The following ECPAS variants were observed in gnomAD, a reference collection of about 807,000 sequenced individuals.
The protein encoded by ECPAS is proteasome adapter and scaffold protein ECM29.
Under a neutral mutation model 255.1 loss-of-function variants are expected in ECPAS, and 70 were observed. The ratio of observed to expected loss-of-function variants is 0.27; its 90% CI spans 0.23 to 0.33. The LOEUF is 0.33. Among genes scored for constraint, ECPAS ranks in the 10% least tolerant of loss-of-function variants. The pLI is 1.00. For missense variants in ECPAS, 1,817 were observed against 2,206.4 expected (o/e 0.82, Z 3.54); for synonymous variants, 784 against 775.0 (o/e 1.01, Z -0.19).
chr9:111,451,982 C>A (rs1248374646), intron 2 of ECPAS, among the ~76,000 whole-genome samples: 1 of 152,200 alleles, frequency 6.6e-6, no homozygotes, highest in African/African-American at 2.4e-5. Context: ...GACAGGATCA[C>A]TGCCCATTAC....
intron 41 of ECPAS, among the ~76,000 whole-genome samples, chr9:111,372,935 G>A (rs1352699881): frequency 2.6e-5 from 4 of 152,110 alleles, no homozygotes; most frequent in Admixed American, 1.3e-4. Flanking sequence ...AGGAGGCTGA[G>A]ACACAAGAAT....
intron 35 of ECPAS, among the ~76,000 whole-genome samples, 166 bp from the exon 36 acceptor site, chr9:111,378,896 T>C (rs2098136901): frequency 6.6e-6 from 1 of 152,180 alleles, no homozygotes; most frequent in Non-Finnish European, 1.5e-5. Context: ...TAAAGAAACC[T>C]TGAAGCATAT....
intron 31 of ECPAS, among the ~76,000 whole-genome samples, chr9:111,388,297 A>G (rs1462859486): frequency 6.7e-6 from 1 of 150,312 alleles, no homozygotes; most frequent in Non-Finnish European, 1.5e-5. Flanking sequence ...GATGACACTC[A>G]CGTCTCAAGG....
At chr9:111,436,685 T>C (rs1037228119) in intron 7 of ECPAS, among the ~76,000 whole-genome samples, 1 of 152,184 alleles carries the variant, frequency 6.6e-6, no homozygotes, top group African/African-American at 2.4e-5. Context: ...ATATTCAATT[T>C]ATAAGTGAGT....
chr9:111,469,402 C>T (rs149834214), intron 2 of ECPAS, among the ~76,000 whole-genome samples: 1,959 of 151,684 alleles, frequency 0.013, 19 homozygotes, highest in Non-Finnish European at 0.02. Context: ...GGCGTGGTGA[C>T]GGGCGCCTGC....
At chr9:111,376,127 T>C (rs1032573464) in intron 37 of ECPAS, among the ~76,000 whole-genome samples, 1 of 152,184 alleles carries the variant, frequency 6.6e-6, no homozygotes, top group Non-Finnish European at 1.5e-5. Context: ...CCACAGCTTA[T>C]AACTTTCCTA....
intron 10 of ECPAS, among the ~76,000 whole-genome samples, chr9:111,426,375 A>G (rs1564537511): frequency 6.6e-6 from 1 of 151,948 alleles, no homozygotes; most frequent in Non-Finnish European, 1.5e-5. Context: ...CACTAAAAAA[A>G]AAAAAAAAAA....
chr9:111,461,906 G>A (rs541541908), intron 2 of ECPAS, among the ~76,000 whole-genome samples: 72 of 152,226 alleles, frequency 4.7e-4, no homozygotes, highest in African/African-American at 1.3e-3. Flanking sequence ...GCAAACTCCC[G>A]TTTCTGAAAC....
chr9:111,466,459 A>G (rs2098279677), intron 2 of ECPAS, among the ~76,000 whole-genome samples: 1 of 133,014 alleles, frequency 7.5e-6, no homozygotes, highest in South Asian at 2.6e-4. Context: ...AATAAAAAAA[A>G]AGAAAGAACA....
intron 36 of ECPAS, 25 bp from the exon 37 acceptor site, chr9:111,376,566 C>G: frequency 6.4e-7 from 1 of 1,557,850 alleles, no homozygotes; most frequent in Non-Finnish European, 8.7e-7. Context: ...TTAAAGTCAC[C>G]CGGCACATTC....
In ECPAS at chr9:111,366,477, T is replaced by A. The variant is rs369101286; in HGVS notation, c.5219+45A>T. Reference sequence around the variant, plus strand: ...ATTCCATTGATTATACATAAAATGCTGCGGGGAGGAACAAAATAAAAAACT... The same window carrying A: ...ATTCCATTGATTATACATAAAATGCAGCGGGGAGGAACAAAATAAAAAACT... On this transcript the variant is annotated intron_variant, in intron 47 of 49. Coordinates refer to ENST00000684092, the MANE Select transcript of ECPAS (RefSeq NM_001364929.1). 2.1e-6 allele frequency: 3 copies of A among 1,443,732 alleles called. No homozygotes were observed. In the African/African-American group the frequency reaches 4.2e-5, roughly 20 times the overall value. The allele number at this position is 1,443,732 out of a possible 1,614,324, so 89.4% of individuals were successfully genotyped here.
intron 1 of ECPAS, among the ~76,000 whole-genome samples, chr9:111,476,852 A>G (rs954276987): frequency 6.6e-6 from 1 of 151,946 alleles, no homozygotes; most frequent in Non-Finnish European, 1.5e-5. Context: ...CAGTAGAGAC[A>G]GGGTTTCACA....
chr9:111,410,773 C>A (rs1481048645), intron 22 of ECPAS, among the ~76,000 whole-genome samples: 1 of 152,156 alleles, frequency 6.6e-6, no homozygotes, highest in Non-Finnish European at 1.5e-5. Context: ...CCCACCTTGG[C>A]CTCCCAAAGT....
intron 25 of ECPAS, among the ~76,000 whole-genome samples, chr9:111,396,450 T>C (rs2098167798): frequency 6.6e-6 from 1 of 152,184 alleles, no homozygotes; most frequent in Admixed American, 6.5e-5. Flanking sequence ...GCTAAATACA[T>C]AAATCCTCGT....
At position 111,361,361 on chromosome 9, in the gene ECPAS, C is replaced by T. The variant is rs930252020; in HGVS notation, c.*669G>A. 1 of 152,208 alleles carries T rather than the reference C, an allele frequency of 6.6e-6. No individual in the cohort carries two copies. Among genetic ancestry groups the T allele is most frequent in the African/African-American group, 2.4e-5 (1 of 41,448 alleles). 9.4% of individuals were successfully genotyped at this position (152,208 alleles called of 1,614,324 possible). A position where few individuals can be genotyped will look rare whatever the true frequency, so the allele number is the denominator to read the frequency against. The stretch of plus-strand genomic sequence containing the variant: ...AAACAATCATTTTCTCCAAATCAAC[C>T]ACCTAAACACATGACAAGACAATGT... On this transcript the variant is annotated 3_prime_UTR_variant, in exon 50 of 50. Coordinates refer to ENST00000684092, the MANE Select transcript of ECPAS (RefSeq NM_001364929.1).
intron 2 of ECPAS, among the ~76,000 whole-genome samples, chr9:111,455,089 T>A (rs971170156): frequency 6.6e-6 from 1 of 151,878 alleles, no homozygotes; most frequent in African/African-American, 2.4e-5. Context: ...GACTTCGGAG[T>A]TTCTAGGCAT....
chr9:111,380,493 C>G (rs2131555782), intron 35 of ECPAS, among the ~76,000 whole-genome samples: 1 of 152,276 alleles, frequency 6.6e-6, no homozygotes, highest in South Asian at 2.1e-4. Flanking sequence ...TAGCAGAATT[C>G]TTAAGGCTTT....
At position 111,373,339 on chromosome 9, in the gene ECPAS, T is replaced by C; in HGVS notation, c.4245A>G (p.Ala1415=). Residue 1415 remains alanine, a synonymous_variant, in exon 40 of 50, where the codon GCA becomes GCG. Coordinates refer to ENST00000684092, the MANE Select transcript of ECPAS (RefSeq NM_001364929.1). ...DRNSVIQKSC[A]FAMGHLVRTS... is the part of the protein sequence containing the mutation. ...CCCGAACTAAATGGCCCATAGCAAA[T>C]GCACAAGATTTCTGAATCACACTGT... The C allele has an allele frequency of 2.5e-6, 4 of 1,613,752 alleles. No homozygotes were observed. Among genetic ancestry groups the C allele is most frequent in the Non-Finnish European group, 2.5e-6 (3 of 1,179,796 alleles).
intron 31 of ECPAS, 63 bp from the exon 32 acceptor site, chr9:111,386,519 T>A: frequency 1.1e-6 from 1 of 944,762 alleles, no homozygotes. Context: ...ATTACTCAAC[T>A]CTTAACCACA....
Sources: allele counts gnomAD v4.1 joint callset (sites outside exome capture counted in the v4.1 genomes callset), GRCh38; gene constraint gnomAD v4.1.1; transcripts MANE v1.5; gene names NCBI Gene and HGNC (gene_info 2026-07-23, HGNC 2026-07-21).